The following RBFOX1 variants were observed in gnomAD, a reference collection of about 807,000 sequenced individuals.
The protein encoded by RBFOX1 is RNA binding fox-1 homolog 1, also known as RNA binding protein fox-1 homolog 1.
In RBFOX1, 8 loss-of-function variants were observed where a neutral mutation model predicts 57.7. That is an observed-to-expected ratio of 0.14 (90% CI 0.08 to 0.25). The LOEUF (loss-of-function observed/expected upper bound fraction) is 0.25, where lower values mean the gene tolerates loss of function less well. Ranked by LOEUF, RBFOX1 falls within the 10% of genes least tolerant of loss-of-function variation. The pLI, the probability that RBFOX1 is intolerant of heterozygous loss-of-function variation, is 1.00. For missense variants in RBFOX1, 611 were observed against 548.5 expected (o/e 1.11, Z -1.14); for synonymous variants, 326 against 222.4 (o/e 1.47, Z -4.15).
intron 3 of RBFOX1, among the ~76,000 whole-genome samples, chr16:6,800,641 T>G (rs1289366085): frequency 1.3e-5 from 2 of 152,162 alleles, no homozygotes; most frequent in East Asian, 1.9e-4. Context: ...TCTTTGCAAT[T>G]ACTTTTTTCT....
chr16:6,491,705 G>A (rs1327257559), intron 2 of RBFOX1, among the ~76,000 whole-genome samples: 1 of 152,158 alleles, frequency 6.6e-6, no homozygotes, highest in Non-Finnish European at 1.5e-5. Context: ...TATACCCAGG[G>A]TTCATGAGGG....
intron 4 of RBFOX1, among the ~76,000 whole-genome samples, chr16:7,258,657 C>T (rs944415038): frequency 6.6e-6 from 1 of 152,084 alleles, no homozygotes; most frequent in Admixed American, 6.6e-5. Flanking sequence ...ATTTTACTAA[C>T]ATGATGGCTG....
At chr16:6,237,181 A>G (rs1456794658) in intron 1 of RBFOX1, among the ~76,000 whole-genome samples, 1 of 152,210 alleles carries the variant, frequency 6.6e-6, no homozygotes, top group Non-Finnish European at 1.5e-5. Context: ...TTTATTACGA[A>G]CACATCTTCC....
In RBFOX1 at chr16:6,878,553, G is replaced by T. The variant is rs1254620428; in HGVS notation, c.-15-173504G>T. On this transcript the variant is annotated intron_variant, in intron 3 of 15. Transcript: ENST00000550418. ...CTTTTAGATTTTGGAGTCATTTGTT[G>T]CCACAGCATCACATGGCGCATCCTG... Among the ~76,000 whole-genome samples, 2 of 152,122 alleles carry T rather than the reference G, an allele frequency of 1.3e-5. 1 individual carries two copies. The highest frequency in any genetic ancestry group is 4.8e-5 in the African/African-American group (2 of 41,410).
intron 1 of RBFOX1, among the ~76,000 whole-genome samples, chr16:6,068,849 A>G (rs998758359): frequency 6.6e-6 from 1 of 152,136 alleles, no homozygotes; most frequent in Non-Finnish European, 1.5e-5. Flanking sequence ...CGGTTACAGG[A>G]ATAAACTCCC....
chr16:6,137,800 G>T (rs572860806), intron 1 of RBFOX1, among the ~76,000 whole-genome samples: 1 of 151,638 alleles, frequency 6.6e-6, no homozygotes, highest in South Asian at 2.1e-4. Flanking sequence ...GTAGAGACAG[G>T]TTCCCACTAT....
intron 2 of RBFOX1, among the ~76,000 whole-genome samples, chr16:5,561,391 AC>A (rs2045885536): frequency 6.6e-6 from 1 of 151,748 alleles, no homozygotes; most frequent in Non-Finnish European, 1.5e-5. Flanking sequence ...TTCTTTAAAA[AC>A]CCCCAAATTT....
At chr16:5,785,273 T>A (rs116315409) in intron 3 of RBFOX1, among the ~76,000 whole-genome samples, 4 of 152,126 alleles carry the variant, frequency 2.6e-5, no homozygotes, top group African/African-American at 4.8e-5. Context: ...GGAACTTAAA[T>A]GGTATGTGGC....
intron 4 of RBFOX1, among the ~76,000 whole-genome samples, chr16:7,142,602 C>T (rs188507070): frequency 5.2e-4 from 79 of 152,268 alleles, no homozygotes; most frequent in Non-Finnish European, 1.0e-3. Flanking sequence ...GGGATTTTCC[C>T]TTATCTACTC....
chr16:5,696,492 T>A (rs1349442890), intron 3 of RBFOX1, among the ~76,000 whole-genome samples: 1 of 152,220 alleles, frequency 6.6e-6, no homozygotes, highest in Non-Finnish European at 1.5e-5. Context: ...TCCTTGTGCT[T>A]TGACTAAATA....
At position 7,042,753 on chromosome 16, in the gene RBFOX1, C is replaced by G. The variant is rs4640204; in HGVS notation, c.-15-9304C>G. ...CCAGCCTGGCCAACATGGCAAAACT[C>G]CATCTCTGCTACAAATGCAAAAATT... On this transcript the variant is annotated intron_variant, in intron 3 of 15. Coordinates refer to ENST00000550418, the MANE Select transcript of RBFOX1 (RefSeq NM_018723.4). Among the ~76,000 whole-genome samples, 936 of 152,172 alleles carry G rather than the reference C, an allele frequency of 6.2e-3. 9 individuals are homozygous for G. Among genetic ancestry groups the G allele is most frequent in the African/African-American group, 0.022 (897 of 41,506 alleles).
chr16:7,703,600 C>G (rs981347413), intron 14 of RBFOX1, among the ~76,000 whole-genome samples: 2 of 152,158 alleles, frequency 1.3e-5, no homozygotes, highest in African/African-American at 4.8e-5. Context: ...TGTTAAAACC[C>G]TGGTGTGGAG....
At chr16:5,697,126 G>T (rs1421095316) in intron 3 of RBFOX1, among the ~76,000 whole-genome samples, 6 of 151,894 alleles carry the variant, frequency 4.0e-5, no homozygotes, top group African/African-American at 7.3e-5. Flanking sequence ...TATAATTTTG[G>T]ATTGTTTATT....
At chr16:7,092,790 T>C (rs999800056) in intron 4 of RBFOX1, among the ~76,000 whole-genome samples, 2 of 152,212 alleles carry the variant, frequency 1.3e-5, no homozygotes, top group African/African-American at 4.8e-5. Context: ...TGATTGCAGT[T>C]CACAAGTTTG....
At chr16:5,973,367 A>C (rs1301424636) in intron 4 of RBFOX1, among the ~76,000 whole-genome samples, 1 of 152,148 alleles carries the variant, frequency 6.6e-6, no homozygotes, top group African/African-American at 2.4e-5. Context: ...CCAACCTGCT[A>C]TTTTTCTGAC....
chr16:7,418,351 T>A (rs7194617), intron 4 of RBFOX1, among the ~76,000 whole-genome samples: 94,998 of 152,038 alleles, frequency 0.62, 30,048 homozygotes, highest in East Asian at 0.88. Context: ...GCAAAGCATC[T>A]CCTGGTGTCT....
At chr16:7,182,644 A>C (rs568777234) in intron 4 of RBFOX1, among the ~76,000 whole-genome samples, 1 of 152,206 alleles carries the variant, frequency 6.6e-6, no homozygotes, top group Non-Finnish European at 1.5e-5. Flanking sequence ...CATAGATTCC[A>C]GAGGATTCCA....
At chr16:6,719,217 T>G (rs2065442776) in intron 3 of RBFOX1, among the ~76,000 whole-genome samples, 1 of 152,122 alleles carries the variant, frequency 6.6e-6, no homozygotes, top group Non-Finnish European at 1.5e-5. Flanking sequence ...CAGTCTTCAC[T>G]ACTTTCCTTC....
At chr16:7,551,322 C>T (rs937842102) in intron 5 of RBFOX1, among the ~76,000 whole-genome samples, 2 of 152,218 alleles carry the variant, frequency 1.3e-5, no homozygotes, top group African/African-American at 2.4e-5. Flanking sequence ...AGACGTTAGA[C>T]AGCATGAGGC....
Sources: gnomAD v4.1 joint callset for allele counts (sites outside exome capture counted in the v4.1 genomes callset) on GRCh38, gnomAD v4.1.1 for gene constraint, MANE v1.5 for transcripts, NCBI Gene and HGNC (gene_info 2026-07-23, HGNC 2026-07-21) for gene names.